SCG5: variants seen among roughly 807,000 people sequenced by gnomAD.
SCG5 encodes secretogranin V.
A neutral mutation model predicts 25.7 loss-of-function variants in SCG5; 18 were observed. The observed-to-expected ratio is 0.70, with a 90% CI of 0.48 to 1.04. The LOEUF (loss-of-function observed/expected upper bound fraction) is 1.04. SCG5 is among the 50% of genes least tolerant of loss of function. The probability of loss-of-function intolerance (pLI) is 0.00; values close to 1 mark genes in which losing one functional copy is unlikely to be tolerated. For missense variants in SCG5, 206 were observed against 259.8 expected (o/e 0.79, Z 1.42); for synonymous variants, 101 against 91.7 (o/e 1.10, Z -0.58).
chr15:32,662,300 T>G (rs921358101), intron 2 of SCG5, among the ~76,000 whole-genome samples: 3 of 152,228 alleles, frequency 2.0e-5, no homozygotes, highest in Non-Finnish European at 4.4e-5. Flanking sequence ...TTTCTGTAAG[T>G]GTTGGACTTA....
intron 1 of SCG5, among the ~76,000 whole-genome samples, chr15:32,642,660 C>T (rs74822788): frequency 0.052 from 7,861 of 150,402 alleles, 296 homozygotes; most frequent in African/African-American, 0.11. Context: ...GGGTAAGCTG[C>T]AAGGATAATG....
At chr15:32,676,331 C>T (rs962257231) in intron 2 of SCG5, among the ~76,000 whole-genome samples, 8 of 152,154 alleles carry the variant, frequency 5.3e-5, no homozygotes, top group South Asian at 2.1e-4. Context: ...CAGAGGTAAA[C>T]GGAGCTTTGG....
At chr15:32,645,326 C>CG (rs2053925174) in intron 2 of SCG5, among the ~76,000 whole-genome samples, 1 of 152,186 alleles carries the variant, frequency 6.6e-6, no homozygotes, top group African/African-American at 2.4e-5. Flanking sequence ...CAGCCACTCC[C>CG]GGGGCATCAA....
At chr15:32,667,111 T>TTAA in intron 2 of SCG5, among the ~76,000 whole-genome samples, 1 of 152,172 alleles carries the variant, frequency 6.6e-6, no homozygotes, top group Middle Eastern at 3.2e-3. Context: ...GATTAAAAAT[T>TTAA]ATTTAATTTC....
chr15:32,665,748 T>C (rs530993120), intron 2 of SCG5: 15 of 152,338 alleles, frequency 9.8e-5, no homozygotes, highest in African/African-American at 3.6e-4. Flanking sequence ...GGGTTTGCAG[T>C]ATCTCCTTCT....
chr15:32,689,841 C>CTTT (rs537073829), intron 4 of SCG5, among the ~76,000 whole-genome samples: 7 of 135,038 alleles, frequency 5.2e-5, no homozygotes, highest in East Asian at 2.1e-4. Flanking sequence ...TTTTGCATTT[C>CTTT]TTTTTTTTTT....
At chr15:32,661,983 T>C (rs2054227254) in intron 2 of SCG5, among the ~76,000 whole-genome samples, 2 of 152,196 alleles carry the variant, frequency 1.3e-5, no homozygotes, top group Non-Finnish European at 2.9e-5. Context: ...TTATCTCTTT[T>C]TATACTTAAT....
chr15:32,649,072 C>G (rs2053994986), intron 2 of SCG5, among the ~76,000 whole-genome samples: 1 of 152,082 alleles, frequency 6.6e-6, no homozygotes, highest in Non-Finnish European at 1.5e-5. Flanking sequence ...TTTAAAGCTC[C>G]ATAGCATTTT....
chr15:32,689,661 T>C lies in SCG5; in HGVS notation c.490-2049T>C, dbSNP rs548065363. On this transcript the variant is annotated intron_variant, in intron 4 of 5. Coordinates refer to ENST00000300175, the MANE Select transcript of SCG5 (RefSeq NM_001144757.3). The stretch of plus-strand genomic sequence containing the variant: ...TCTTTTCATTCAATTTGTATGCTTC[T>C]CTTACCCATACCATACCTGCCAATG... Among the ~76,000 whole-genome samples the C allele has an allele frequency of 3.3e-5, 5 of 152,290 alleles. No individual in the cohort carries two copies. In the South Asian group the frequency reaches 1.0e-3, roughly 32 times the overall value.
intron 2 of SCG5, among the ~76,000 whole-genome samples, chr15:32,653,050 G>A (rs2054058509): frequency 6.6e-6 from 1 of 152,108 alleles, no homozygotes. Context: ...CACTTCATGT[G>A]TCTTTGGAAC....
chr15:32,677,970 A>C lies in SCG5; in HGVS notation c.227-1796A>C, dbSNP rs187978353. Among the ~76,000 whole-genome samples, 315 of 152,344 alleles carry C rather than the reference A, an allele frequency of 2.1e-3. 2 individuals carry two copies. Among genetic ancestry groups the C allele is most frequent in the African/African-American group, 7.3e-3 (302 of 41,572 alleles). ...GGTTTTCGTATGTATGAGACACTTA[A>C]GTATTTGGTAGAGACATGAAACAAG... is the stretch of plus-strand genomic sequence containing the variant. On this transcript the variant is annotated intron_variant, in intron 2 of 5. Coordinates refer to ENST00000300175, the MANE Select transcript of SCG5 (RefSeq NM_001144757.3).
chr15:32,659,181 AAAAC>A (rs923829088), intron 2 of SCG5, among the ~76,000 whole-genome samples: 50 of 151,332 alleles, frequency 3.3e-4, no homozygotes, highest in Middle Eastern at 3.4e-3. Flanking sequence ...GTCTCAAAAA[AAAAC>A]AAACAAAAAA....
At chr15:32,696,125 C>CT (rs915197774) in intron 5 of SCG5, among the ~76,000 whole-genome samples, 18 of 147,720 alleles carry the variant, frequency 1.2e-4, no homozygotes, top group Middle Eastern at 3.6e-3. Context: ...TTTCTTTTTT[C>CT]TTTTTTTTTT....
At chr15:32,641,987 T>A (rs1333665425) in intron 1 of SCG5, among the ~76,000 whole-genome samples, 2 of 151,998 alleles carry the variant, frequency 1.3e-5, no homozygotes, top group African/African-American at 4.8e-5. Flanking sequence ...AGAGCGGCGT[T>A]TGCTGGGATG....
intron 2 of SCG5, among the ~76,000 whole-genome samples, chr15:32,658,999 AC>A (rs1274906343): frequency 6.6e-6 from 1 of 151,996 alleles, no homozygotes; most frequent in Non-Finnish European, 1.5e-5. Flanking sequence ...ACACGGTGAA[AC>A]CCTGTCTCTA....
intron 2 of SCG5, among the ~76,000 whole-genome samples, chr15:32,677,952 G>T (rs1357727397): frequency 2.0e-5 from 3 of 152,162 alleles, no homozygotes; most frequent in Non-Finnish European, 4.4e-5. Flanking sequence ...ATAGGTTTTC[G>T]TATGTATGAG....
intron 4 of SCG5, among the ~76,000 whole-genome samples, chr15:32,688,413 C>T (rs967073586): frequency 3.9e-5 from 6 of 152,170 alleles, no homozygotes; most frequent in Non-Finnish European, 5.9e-5. Context: ...GCCTGAGCCA[C>T]GGGGATATGA....
chr15:32,686,045 C>G (rs533017011), intron 4 of SCG5, among the ~76,000 whole-genome samples: 1 of 152,132 alleles, frequency 6.6e-6, no homozygotes, highest in Non-Finnish European at 1.5e-5. Context: ...TGTCAGTTCC[C>G]TCTGTCTTCA....
At chr15:32,663,032 AATATATATATATATATATATATAT>A (rs67571496) in intron 2 of SCG5, among the ~76,000 whole-genome samples, 2,479 of 79,282 alleles carry the variant, frequency 0.031, 164 homozygotes, top group African/African-American at 0.088. Flanking sequence ...AAAAAAAAAG[AATATATATATATATATATATATAT>A]ATATATATAT....
Sources: gnomAD v4.1 joint callset for allele counts (sites outside exome capture counted in the v4.1 genomes callset) on GRCh38, gnomAD v4.1.1 for gene constraint, MANE v1.5 for transcripts, NCBI Gene and HGNC (gene_info 2026-07-23, HGNC 2026-07-21) for gene names.